The following UBASH3B variants were observed in gnomAD, a reference collection of about 807,000 sequenced individuals.
The protein encoded by UBASH3B is ubiquitin associated and SH3 domain containing B.
UBASH3B carries 37 observed loss-of-function variants against 83.4 expected under a neutral mutation model. The observed-to-expected ratio is 0.44, with a 90% CI of 0.34 to 0.58. UBASH3B has a LOEUF of 0.58. Ranked by LOEUF, UBASH3B falls within the 20% of genes least tolerant of loss-of-function variation. The pLI is 0.01. For missense variants in UBASH3B, 657 were observed against 827.2 expected (o/e 0.79, Z 2.52); for synonymous variants, 304 against 318.3 (o/e 0.96, Z 0.48).
At chr11:122,795,912 A>C (rs4935816) in intron 7 of UBASH3B, among the ~76,000 whole-genome samples, 18,260 of 152,252 alleles carry the variant, frequency 0.12, 1,238 homozygotes, top group Admixed American at 0.22. Context: ...CTACTCCTAC[A>C]AAGAGCAGCC....
At chr11:122,674,379 CTT>C (rs35529594) in intron 1 of UBASH3B, among the ~76,000 whole-genome samples, 4,921 of 133,090 alleles carry the variant, frequency 0.037, 129 homozygotes, top group East Asian at 0.12. Flanking sequence ...CATTGTCTGT[CTT>C]TTTTTTTTTT....
intron 1 of UBASH3B, among the ~76,000 whole-genome samples, chr11:122,672,657 T>G (rs1863613746): frequency 6.6e-6 from 1 of 152,218 alleles, no homozygotes. Flanking sequence ...TGGTTATAAT[T>G]GCTGGGGACA....
chr11:122,740,638 A>G (rs1432604227), intron 1 of UBASH3B, among the ~76,000 whole-genome samples: 7 of 152,130 alleles, frequency 4.6e-5, no homozygotes. Context: ...CTATAATTTG[A>G]ATATAAACCA....
chr11:122,802,980 A>G (rs1861282171), intron 11 of UBASH3B, among the ~76,000 whole-genome samples: 1 of 152,090 alleles, frequency 6.6e-6, no homozygotes, highest in African/African-American at 2.4e-5. Context: ...ATTGCCTCCC[A>G]AGCGGCCTTA....
intron 4 of UBASH3B, 82 bp downstream of exon 4, chr11:122,779,777 A>AG (rs1179604867): frequency 1.3e-6 from 2 of 1,551,496 alleles, no homozygotes; most frequent in African/African-American, 2.7e-5. Context: ...ATAGTGGTAG[A>AG]GGAGCAGGAT....
At chr11:122,689,527 C>T (rs1360929505) in intron 1 of UBASH3B, among the ~76,000 whole-genome samples, 2 of 152,140 alleles carry the variant, frequency 1.3e-5, no homozygotes, top group South Asian at 2.1e-4. Context: ...TCTGCCTTTA[C>T]ACCGCAACAG....
intron 5 of UBASH3B, among the ~76,000 whole-genome samples, chr11:122,785,722 A>G (rs958587612): frequency 6.6e-6 from 1 of 152,254 alleles, no homozygotes; most frequent in African/African-American, 2.4e-5. Context: ...TCACTTTGAC[A>G]ACTTATATAA....
At chr11:122,808,848 C>A (rs1156637247) in intron 13 of UBASH3B, among the ~76,000 whole-genome samples, 2 of 151,992 alleles carry the variant, frequency 1.3e-5, no homozygotes, top group Non-Finnish European at 2.9e-5. Flanking sequence ...TGCTGGAAGA[C>A]AGAGAATTTT....
intron 8 of UBASH3B, among the ~76,000 whole-genome samples, chr11:122,796,617 T>C (rs1861162125): frequency 6.6e-6 from 1 of 152,134 alleles, no homozygotes; most frequent in South Asian, 2.1e-4. Flanking sequence ...TTGAGTAGCA[T>C]TTGAAGATAC....
intron 6 of UBASH3B, 133 bp from the exon 7 acceptor site, chr11:122,794,569 T>TG: frequency 8.7e-7 from 1 of 1,154,428 alleles, no homozygotes; most frequent in African/African-American, 1.6e-5. Context: ...AGGCCACTCC[T>TG]GCTCAGCATC....
At chr11:122,772,380 T>G (rs921640592) in intron 1 of UBASH3B, among the ~76,000 whole-genome samples, 4 of 152,192 alleles carry the variant, frequency 2.6e-5, no homozygotes, top group Non-Finnish European at 4.4e-5. Flanking sequence ...TCAGGGGTTT[T>G]GTTTTTGGTT....
chr11:122,720,306 C>T (rs1334905185), intron 1 of UBASH3B, among the ~76,000 whole-genome samples: 2 of 152,296 alleles, frequency 1.3e-5, no homozygotes, highest in East Asian at 3.9e-4. Flanking sequence ...TCACTTTTTC[C>T]ATCCAGTCCA....
chr11:122,701,400 CTT>C lies in UBASH3B; in HGVS notation c.161+45191_161+45192del, dbSNP rs144643998. On this transcript the variant is annotated intron_variant, in intron 1 of 13. Transcript: ENST00000284273. The stretch of plus-strand genomic sequence containing the variant: ...TAGCATGGAAATAATAAAATGAACT[CTT>C]ATTAATGAGAACGAGGCTCTTGCAG... Among the ~76,000 whole-genome samples, 582 of 152,312 alleles carry C rather than the reference CTT, an allele frequency of 3.8e-3. 5 individuals are homozygous for C. The highest frequency in any genetic ancestry group is 6.5e-3 in the Non-Finnish European group (440 of 68,032).
intron 5 of UBASH3B, among the ~76,000 whole-genome samples, chr11:122,783,682 A>ATCTGTG (rs1274132734): frequency 6.6e-6 from 1 of 152,114 alleles, no homozygotes; most frequent in Non-Finnish European, 1.5e-5. Context: ...GTGTATCTGT[A>ATCTGTG]TCATGCAAAG....
chr11:122,798,709 CAA>C (rs11433996), intron 9 of UBASH3B, among the ~76,000 whole-genome samples: 18 of 118,462 alleles, frequency 1.5e-4, no homozygotes, highest in South Asian at 2.8e-4. Flanking sequence ...GACTCCATCT[CAA>C]AAAAAAAAAA....
chr11:122,701,321 A>G (rs1864037737), intron 1 of UBASH3B, among the ~76,000 whole-genome samples: 1 of 152,214 alleles, frequency 6.6e-6, no homozygotes, highest in South Asian at 2.1e-4. Context: ...GGTAATTAAT[A>G]TGAAGTGCAA....
rs188065001 is a variant in UBASH3B, at chr11:122,736,865, C to T, written c.162-39354C>T. Reference sequence around the variant, plus strand: ...AGGAGTTTCAGTCCAGCTTGGGCAACATAGTGAGACCCTCTCTCAAAATGA... The same window carrying T: ...AGGAGTTTCAGTCCAGCTTGGGCAATATAGTGAGACCCTCTCTCAAAATGA... On this transcript the variant is annotated intron_variant, in intron 1 of 13. Transcript: ENST00000284273. Among the ~76,000 whole-genome samples, 595 of 151,832 alleles carry T rather than the reference C, an allele frequency of 3.9e-3. 5 individuals carry two copies. The highest frequency in any genetic ancestry group is 5.5e-3 in the Non-Finnish European group (377 of 67,984).
chr11:122,689,432 A>G (rs1360885886), intron 1 of UBASH3B, among the ~76,000 whole-genome samples: 1 of 152,162 alleles, frequency 6.6e-6, no homozygotes, highest in Non-Finnish European at 1.5e-5. Flanking sequence ...TGTGTCCTGA[A>G]TAGCAGAGTG....
intron 1 of UBASH3B, among the ~76,000 whole-genome samples, chr11:122,721,893 A>G (rs1016131676): frequency 6.6e-6 from 1 of 152,112 alleles, no homozygotes; most frequent in Non-Finnish European, 1.5e-5. Flanking sequence ...CTTAGCAGAG[A>G]GAGGCTTCTT....
Sources: gnomAD v4.1 joint callset for allele counts (sites outside exome capture counted in the v4.1 genomes callset) on GRCh38, gnomAD v4.1.1 for gene constraint, MANE v1.5 for transcripts, NCBI Gene and HGNC (gene_info 2026-07-23, HGNC 2026-07-21) for gene names.